ROBO2: variants seen among roughly 807,000 people sequenced by gnomAD.
The protein encoded by ROBO2 is roundabout homolog 2.
In ROBO2, 53 loss-of-function variants were observed where a neutral mutation model predicts 160.8. The ratio of observed to expected loss-of-function variants is 0.33; its 90% CI spans 0.26 to 0.41. ROBO2 has a LOEUF of 0.41. Ranked by LOEUF, ROBO2 falls within the 10% of genes least tolerant of loss-of-function variation. ROBO2 has a pLI of 1.00. For synonymous variants in ROBO2, 664 were observed against 611.7 expected, an observed-to-expected ratio of 1.09 and a Z score of -1.26; for missense variants, 1,577 against 1,722.4, an observed-to-expected ratio of 0.92 and a Z score of 1.49.
chr3:76,956,450 G>C (rs566562104), intron 2 of ROBO2, among the ~76,000 whole-genome samples: 1 of 151,828 alleles, frequency 6.6e-6, no homozygotes, highest in Admixed American at 6.6e-5. Flanking sequence ...CCAGCTACTC[G>C]GGAGGCTGAG....
intron 2 of ROBO2, among the ~76,000 whole-genome samples, chr3:77,123,486 T>A (rs2074985093): frequency 6.6e-6 from 1 of 152,144 alleles, no homozygotes; most frequent in South Asian, 2.1e-4. Flanking sequence ...TTTGTTCATT[T>A]ATTTATTTAA....
At chr3:76,409,529 G>T (rs753956992) in intron 2 of ROBO2, among the ~76,000 whole-genome samples, 3 of 151,924 alleles carry the variant, frequency 2.0e-5, no homozygotes, top group Non-Finnish European at 4.4e-5. Flanking sequence ...CCATTCTCTA[G>T]CTGTCAAAAC....
intron 20 of ROBO2, among the ~76,000 whole-genome samples, chr3:77,605,042 T>C (rs1448150013): frequency 6.6e-6 from 1 of 151,646 alleles, no homozygotes; most frequent in Non-Finnish European, 1.5e-5. Context: ...GGCACTCGAC[T>C]GTATTCCCAG....
intron 2 of ROBO2, among the ~76,000 whole-genome samples, chr3:77,462,846 A>C (rs1582157448): frequency 6.6e-6 from 1 of 152,218 alleles, no homozygotes; most frequent in Admixed American, 6.5e-5. Context: ...ATGCAAGCAC[A>C]TTCCAGCATG....
At chr3:76,712,699 A>T (rs264547) in intron 2 of ROBO2, among the ~76,000 whole-genome samples, 54,760 of 151,412 alleles carry the variant, frequency 0.36, 11,242 homozygotes, top group Non-Finnish European at 0.47. Flanking sequence ...AATAATAATT[A>T]AAAAAAATTT....
intron 2 of ROBO2, among the ~76,000 whole-genome samples, chr3:76,642,802 G>A (rs954634250): frequency 2.6e-5 from 4 of 152,074 alleles, no homozygotes; most frequent in South Asian, 2.1e-4. Context: ...CACCAAATAC[G>A]TAAAACCATG....
intron 2 of ROBO2, among the ~76,000 whole-genome samples, chr3:76,324,745 GA>G (rs1051115592): frequency 8.6e-5 from 13 of 151,568 alleles, no homozygotes; most frequent in East Asian, 1.9e-4. Context: ...AACTTCTCTG[GA>G]AAAAAAAGCA....
chr3:77,642,728 C>T (rs1235560217), intron 24 of ROBO2: 7 of 456,510 alleles, frequency 1.5e-5, no homozygotes, highest in Non-Finnish European at 2.6e-5. Context: ...CAAATAGGCC[C>T]GAGCCAGCAG....
At chr3:77,496,795 C>T (rs1187408688) in intron 5 of ROBO2, among the ~76,000 whole-genome samples, 1 of 152,100 alleles carries the variant, frequency 6.6e-6, no homozygotes, top group African/African-American at 2.4e-5. Flanking sequence ...ACCTTCAACA[C>T]AGAAGAAGAT....
intron 2 of ROBO2, among the ~76,000 whole-genome samples, chr3:76,749,515 A>G (rs1164792201): frequency 6.6e-6 from 1 of 152,046 alleles, no homozygotes; most frequent in Non-Finnish European, 1.5e-5. Context: ...TAGCTATACC[A>G]TCACAAGTTC....
exon 20 of ROBO2, chr3:77,602,392 G>T (rs1486331114): frequency 6.2e-7 from 1 of 1,614,088 alleles, no homozygotes; most frequent in Non-Finnish European, 8.5e-7. Context: ...TGAATTGGCT[G>T]TCGATCTGCC....
intron 17 of ROBO2, among the ~76,000 whole-genome samples, chr3:77,589,951 G>A (rs1476325548): frequency 1.3e-5 from 2 of 152,086 alleles, no homozygotes; most frequent in African/African-American, 4.8e-5. Flanking sequence ...AAGCATAAAT[G>A]TCTTAGTAAC....
intron 21 of ROBO2, among the ~76,000 whole-genome samples, chr3:77,611,583 TC>T (rs2094644074): frequency 6.6e-6 from 1 of 152,150 alleles, no homozygotes; most frequent in African/African-American, 2.4e-5. Context: ...ATGGTAATCA[TC>T]ACCCTGAAAA....
intron 2 of ROBO2, among the ~76,000 whole-genome samples, chr3:75,958,949 C>T (rs2107256307): frequency 6.6e-6 from 1 of 151,878 alleles, no homozygotes; most frequent in South Asian, 2.1e-4. Context: ...CATTTAGCTT[C>T]AATTTCCTGT....
intron 2 of ROBO2, among the ~76,000 whole-genome samples, chr3:77,124,119 G>C (rs1315145728): frequency 6.6e-6 from 1 of 152,024 alleles, no homozygotes; most frequent in Non-Finnish European, 1.5e-5. Flanking sequence ...TGGGTTAAAG[G>C]CAGATATTTT....
intron 2 of ROBO2, among the ~76,000 whole-genome samples, chr3:76,999,820 C>T (rs2061240851): frequency 6.6e-6 from 1 of 152,092 alleles, no homozygotes; most frequent in South Asian, 2.1e-4. Context: ...AGGTACTTTC[C>T]AATTTAGTAT....
intron 2 of ROBO2, among the ~76,000 whole-genome samples, chr3:76,683,211 A>T (rs1345786342): frequency 6.6e-6 from 1 of 152,192 alleles, no homozygotes; most frequent in East Asian, 1.9e-4. Context: ...AATGAAATTA[A>T]GGTAAAATAA....
intron 1 of ROBO2, among the ~76,000 whole-genome samples, chr3:77,080,457 C>T (rs942281381): frequency 6.6e-6 from 1 of 152,136 alleles, no homozygotes; most frequent in Non-Finnish European, 1.5e-5. Context: ...CAAGGGCCAG[C>T]AGATTATGGG....
intron 2 of ROBO2, among the ~76,000 whole-genome samples, chr3:77,219,620 TG>T (rs2085514214): frequency 6.6e-6 from 1 of 150,700 alleles, no homozygotes; most frequent in Non-Finnish European, 1.5e-5. Flanking sequence ...ATTTTACTAT[TG>T]ACCATGGGCC....
Sources: allele counts gnomAD v4.1 joint callset (sites outside exome capture counted in the v4.1 genomes callset), GRCh38; gene constraint gnomAD v4.1.1; transcripts MANE v1.5; gene names NCBI Gene and HGNC (gene_info 2026-07-23, HGNC 2026-07-21).